The following NCBP3 variants were observed in gnomAD, a reference collection of about 807,000 sequenced individuals.
NCBP3 encodes the protein nuclear cap binding subunit 3, also known as nuclear cap-binding protein subunit 3.
NCBP3 carries 20 observed loss-of-function variants against 75.7 expected under a neutral mutation model. The observed-to-expected ratio is 0.26, with a 90% CI of 0.19 to 0.38. The LOEUF (loss-of-function observed/expected upper bound fraction) is 0.38. Among genes scored for constraint, NCBP3 ranks in the 10% least tolerant of loss-of-function variants. The probability of loss-of-function intolerance (pLI) is 1.00; values close to 1 mark genes in which losing one functional copy is unlikely to be tolerated. For missense variants in NCBP3, 678 were observed against 796.9 expected (o/e 0.85, Z 1.80); for synonymous variants, 293 against 290.5 (o/e 1.01, Z -0.09).
chr17:3,804,002 A>T lies in NCBP3; in HGVS notation c.*9042T>A, dbSNP rs186957358. On this transcript the variant is annotated 3_prime_UTR_variant, in exon 13 of 13. Transcript: ENST00000389005. ...TGAGGCAGGAGAATGGCGTGAACCCAGGAGGCGGAGCTCGCAGTGGGCGGA... is the reference window on the plus strand; with the variant it reads ...TGAGGCAGGAGAATGGCGTGAACCCTGGAGGCGGAGCTCGCAGTGGGCGGA... The T allele has an allele frequency of 2.6e-5, 4 of 152,060 alleles. No homozygotes were observed. In the East Asian group the frequency reaches 5.8e-4, roughly 22 times the overall value. 9.4% of individuals were successfully genotyped at this position (152,060 alleles called of 1,614,324 possible).
At chr17:3,837,843 G>A (rs1381029624) in intron 3 of NCBP3, among the ~76,000 whole-genome samples, 2 of 151,958 alleles carry the variant, frequency 1.3e-5, no homozygotes, top group Non-Finnish European at 2.9e-5. Flanking sequence ...CAGGGCTCAG[G>A]AACACTATCC....
At position 3,818,213 on chromosome 17, in the gene NCBP3, T is replaced by C; in HGVS notation, c.1310+50A>G. On this transcript the variant is annotated intron_variant, in intron 10 of 12. Transcript: ENST00000389005. The surrounding 1 kb of genome is among the most constrained non-coding windows in gnomAD (Gnocchi z 4.7). ...ATTAGGAGGAATTAAGAAGTTATAC[T>C]AGTATTTAAAATCAAATTAAAAGCT... 7.8e-7 allele frequency: 1 copy of C among 1,283,740 alleles called. No individual in the cohort carries two copies. The highest frequency in any genetic ancestry group is 1.1e-6 in the Non-Finnish European group (1 of 923,210). 79.5% of individuals were successfully genotyped at this position (1,283,740 alleles called of 1,614,324 possible). A position where few individuals can be genotyped will look rare whatever the true frequency, so the allele number is the denominator to read the frequency against.
Position 3,845,921 on chromosome 17 carries a change from C to T in NCBP3, c.183+120G>A, listed in dbSNP as rs2054156429. On this transcript the variant is annotated intron_variant, in intron 1 of 12. Transcript: ENST00000389005. ...TTCCCGTTCCCAGGACGCTGGCTCC[C>T]TCCTCTCCCGCTCCCTTGACTTCCC... 5 of 1,199,460 alleles carry T rather than the reference C, an allele frequency of 4.2e-6. No individual in the cohort carries two copies. In the South Asian group the frequency reaches 6.1e-5, roughly 15 times the overall value. 74.3% of individuals were successfully genotyped at this position (1,199,460 alleles called of 1,614,324 possible).
chr17:3,825,142 T>C, intron 6 of NCBP3, 92 bp from the exon 7 acceptor site: 1 of 650,576 alleles, frequency 1.5e-6, no homozygotes. Flanking sequence ...GCATTCTACC[T>C]TTAATACTTA....
intron 2 of NCBP3, among the ~76,000 whole-genome samples, chr17:3,840,691 C>T (rs1424149232): frequency 6.6e-6 from 1 of 152,126 alleles, no homozygotes; most frequent in Non-Finnish European, 1.5e-5. Flanking sequence ...CCTACAACCA[C>T]TTCACATTGT....
At chr17:3,844,081 C>T (rs116604846) in intron 1 of NCBP3, among the ~76,000 whole-genome samples, 5,568 of 152,284 alleles carry the variant, frequency 0.037, 97 homozygotes, top group East Asian at 0.044. Flanking sequence ...AGCTCCCCAA[C>T]CCAGTCTGAA....
In NCBP3 at chr17:3,809,227, C is replaced by G. The variant is rs570092718; in HGVS notation, c.*3817G>C. 1 of 152,118 alleles carries G rather than the reference C, an allele frequency of 6.6e-6. No individual in the cohort carries two copies. Among genetic ancestry groups the G allele is most frequent in the Non-Finnish European group, 1.5e-5 (1 of 68,034 alleles). 9.4% of individuals were successfully genotyped at this position (152,118 alleles called of 1,614,324 possible). On this transcript the variant is annotated 3_prime_UTR_variant, in exon 13 of 13. Coordinates refer to ENST00000389005, the MANE Select transcript of NCBP3 (RefSeq NM_001114118.3). ...GGAGATGTGGAGAAACTGGAACCCT[C>G]GCACACTGCTGGTGGAATGGAAAAT...
rs1264748267 is a variant in NCBP3 at position 3,846,146 on chromosome 17, A to G, written c.78T>C (p.Pro26=). Residue 26 remains proline (P), a synonymous_variant, in exon 1 of 13, where the codon CCT becomes CCC. Transcript: ENST00000389005. This position sits in a 1 kb window ranked among gnomAD's most constrained non-coding sequence, Gnocchi z 4.6. Reference sequence around the variant, plus strand: ...CACGGTCAACACCGGACTCCGCCTCAGGGGACGGGAGCCCCAGGGCCGGCC... The same window carrying G: ...CACGGTCAACACCGGACTCCGCCTCGGGGGACGGGAGCCCCAGGGCCGGCC... The part of the protein sequence containing the change: ...PAGPALGLPS[P]EAESGVDRGE... The G allele has an allele frequency of 5.2e-6, 8 of 1,538,940 alleles. No homozygotes were observed. Among genetic ancestry groups the G allele is most frequent in the Non-Finnish European group, 6.1e-6 (7 of 1,141,950 alleles).
intron 3 of NCBP3, among the ~76,000 whole-genome samples, 174 bp downstream of exon 3, chr17:3,839,926 G>A (rs2054035603): frequency 6.6e-6 from 1 of 152,172 alleles, no homozygotes; most frequent in African/African-American, 2.4e-5. Context: ...CCAGCTGACA[G>A]CATCTGAACT....
At chr17:3,841,589 A>G (rs2054062660) in intron 2 of NCBP3, among the ~76,000 whole-genome samples, 1 of 147,694 alleles carries the variant, frequency 6.8e-6, no homozygotes, top group African/African-American at 2.5e-5. Context: ...CTAAAAGATG[A>G]CCAATTCTCT....
chr17:3,826,688 C>T (rs1008512860), intron 4 of NCBP3, among the ~76,000 whole-genome samples: 1 of 124,914 alleles, frequency 8.0e-6, no homozygotes, highest in African/African-American at 3.8e-5. Flanking sequence ...GAAAGAGAGA[C>T]AGAAAGAGAA....
chr17:3,827,396 C>T (rs753299785), intron 4 of NCBP3, among the ~76,000 whole-genome samples: 1 of 152,198 alleles, frequency 6.6e-6, no homozygotes, highest in Non-Finnish European at 1.5e-5. Context: ...AAACGAATTC[C>T]CCCTTCATCA....
At chr17:3,827,564 TAA>T (rs1362307891) in intron 4 of NCBP3, among the ~76,000 whole-genome samples, 5 of 152,204 alleles carry the variant, frequency 3.3e-5, no homozygotes, top group African/African-American at 4.8e-5. Context: ...AAAATAAACT[TAA>T]AAGAGTATTT....
At position 3,806,224 on chromosome 17, in the gene NCBP3, A is replaced by G. The variant is rs56353992; in HGVS notation, c.*6820T>C. The G allele has an allele frequency of 0.15, 22,535 of 152,170 alleles. 2,839 individuals carry two copies. Among genetic ancestry groups the G allele is most frequent in the African/African-American group, 0.34 (14,082 of 41,434 alleles). The allele number at this position is 152,170 out of a possible 1,614,324, so 9.4% of individuals were successfully genotyped here. ...CTCCCAAGTAGCTGGGACTACAGGTACCCACCACCACGCCCAGCTAATTTT... is the reference window on the plus strand; with the variant it reads ...CTCCCAAGTAGCTGGGACTACAGGTGCCCACCACCACGCCCAGCTAATTTT... On this transcript the variant is annotated 3_prime_UTR_variant, in exon 13 of 13. Coordinates refer to ENST00000389005, the MANE Select transcript of NCBP3 (RefSeq NM_001114118.3).
In NCBP3 at chr17:3,810,284, G is replaced by A. The variant is rs371618997; in HGVS notation, c.*2760C>T. Reference sequence around the variant, plus strand: ...TGGAAAGGGCAGTGGCTGAAGAACGGAGAGGGGTTCACAGGATCAGACTAC... The same window carrying A: ...TGGAAAGGGCAGTGGCTGAAGAACGAAGAGGGGTTCACAGGATCAGACTAC... On this transcript the variant is annotated 3_prime_UTR_variant, in exon 13 of 13. Coordinates refer to ENST00000389005, the MANE Select transcript of NCBP3 (RefSeq NM_001114118.3). 2.0e-5 allele frequency: 3 copies of A among 152,418 alleles called. No individual in the cohort carries two copies. The East Asian group carries it at 5.8e-4, about 29-fold the overall frequency. 9.4% of individuals were successfully genotyped at this position (152,418 alleles called of 1,614,324 possible). A position where few individuals can be genotyped will look rare whatever the true frequency, so the allele number is the denominator to read the frequency against.
Position 3,806,086 on chromosome 17 carries a change from C to CTTTTTCTTTTTT in NCBP3, c.*6957_*6958insAAAAAAGAAAAA, listed in dbSNP as rs2053333320. ...AGGGACAGGAAGGTGAGAATCCTTT[C>CTTTTTCTTTTTT]TTTTTTTTTTGAGACGGAGTCTCGC... On this transcript the variant is annotated 3_prime_UTR_variant, in exon 13 of 13. Coordinates refer to ENST00000389005, the MANE Select transcript of NCBP3 (RefSeq NM_001114118.3). 6.7e-6 allele frequency: 1 copy of CTTTTTCTTTTTT among 148,516 alleles called. No homozygotes were observed. The highest frequency in any genetic ancestry group is 1.5e-5 in the Non-Finnish European group (1 of 67,422). 9.2% of individuals were successfully genotyped at this position (148,516 alleles called of 1,614,324 possible). A position where few individuals can be genotyped will look rare whatever the true frequency, so the allele number is the denominator to read the frequency against.
chr17:3,832,511 G>C lies in NCBP3; in HGVS notation c.356-3143C>G, dbSNP rs560750615. On this transcript the variant is annotated intron_variant, in intron 3 of 12. Transcript: ENST00000389005. ...CCAGGTGTGGTGGCAGGCACCTGTA[G>C]TCCCAGCTACTCGGGAGGCTGAGGC... Among the ~76,000 whole-genome samples, 4 of 119,146 alleles carry C rather than the reference G, an allele frequency of 3.4e-5. 1 individual carries two copies. The East Asian group carries it at 1.0e-3, about 30-fold the overall frequency. The allele number at this position is 119,146 out of a possible 152,430, so 78.2% of individuals were successfully genotyped here.
In NCBP3 at chr17:3,818,857, T is replaced by C. The variant is rs1201480320; in HGVS notation, c.1001-285A>G. ...GTATTTGCAAATTTACCAAATTTATTTGTAACTCCAAAATGAATACGTGCA... is the reference window on the plus strand; with the variant it reads ...GTATTTGCAAATTTACCAAATTTATCTGTAACTCCAAAATGAATACGTGCA... On this transcript the variant is annotated intron_variant, in intron 9 of 12. Coordinates refer to ENST00000389005, the MANE Select transcript of NCBP3 (RefSeq NM_001114118.3). The surrounding 1 kb of genome is among the most constrained non-coding windows in gnomAD (Gnocchi z 4.7). Among the ~76,000 whole-genome samples the C allele has an allele frequency of 2.6e-5, 4 of 152,206 alleles. No individual in the cohort carries two copies. The highest frequency in any genetic ancestry group is 7.2e-5 in the African/African-American group (3 of 41,434).
intron 9 of NCBP3, among the ~76,000 whole-genome samples, chr17:3,820,716 A>AG (rs2053645455): frequency 6.6e-6 from 1 of 152,224 alleles, no homozygotes; most frequent in Non-Finnish European, 1.5e-5. Flanking sequence ...GTGGAACACA[A>AG]GGTCAGGAGT....
Sources: allele counts gnomAD v4.1 joint callset (sites outside exome capture counted in the v4.1 genomes callset), GRCh38; gene constraint gnomAD v4.1.1; non-coding constraint Gnocchi (gnomAD v3.1); transcripts MANE v1.5; gene names NCBI Gene and HGNC (gene_info 2026-07-23, HGNC 2026-07-21).